Variants in KCNIP2 observed in about 807,000 individuals in gnomAD.
KCNIP2 encodes A-type potassium channel modulatory protein KCNIP2.
A neutral mutation model predicts 39.0 loss-of-function variants in KCNIP2; 19 were observed. That is an observed-to-expected ratio of 0.49 (90% CI 0.34 to 0.71). The LOEUF is 0.71. Among genes scored for constraint, KCNIP2 ranks in the 30% least tolerant of loss-of-function variants. KCNIP2 has a pLI of 0.01. For missense variants in KCNIP2, 261 were observed against 346.0 expected (o/e 0.75, Z 1.95); for synonymous variants, 111 against 131.2 (o/e 0.85, Z 1.05).
At chr10:101,827,443 G>C in intron 9 of KCNIP2, 43 bp from the exon 10 acceptor site, 1 of 1,578,448 alleles carries the variant, frequency 6.3e-7, no homozygotes, top group South Asian at 1.1e-5. Flanking sequence ...GAGAGAGAAA[G>C]AGAAGGAGCT....
intron 1 of KCNIP2, among the ~76,000 whole-genome samples, chr10:101,833,535 T>G (rs2066058693): frequency 4.6e-5 from 7 of 152,068 alleles, no homozygotes; most frequent in Admixed American, 4.6e-4. Flanking sequence ...AAGCCTTGGG[T>G]ATGGAGCTGG....
chr10:101,840,488 G>C (rs543954617), intron 1 of KCNIP2, among the ~76,000 whole-genome samples: 1 of 148,232 alleles, frequency 6.7e-6, no homozygotes, highest in South Asian at 2.2e-4. Flanking sequence ...CGGTGCGGCA[G>C]GTTCACAGAC....
chr10:101,836,977 T>C (rs916481486), intron 1 of KCNIP2, among the ~76,000 whole-genome samples: 1 of 148,456 alleles, frequency 6.7e-6, no homozygotes, highest in Non-Finnish European at 1.5e-5. Flanking sequence ...AAAATAATAA[T>C]AATTAGCCTG....
chr10:101,842,632 G>A (rs1413234123), intron 1 of KCNIP2, among the ~76,000 whole-genome samples: 3 of 152,234 alleles, frequency 2.0e-5, no homozygotes, highest in Non-Finnish European at 4.4e-5. Context: ...GAGCCATAAG[G>A]TCTCTTGGAA....
intron 1 of KCNIP2, chr10:101,839,916 A>G: frequency 4.2e-6 from 6 of 1,435,892 alleles, no homozygotes; most frequent in Non-Finnish European, 5.6e-6. Flanking sequence ...TCACCCGGGT[A>G]GGCCCGCGTG....
At position 101,828,246 on chromosome 10, in the gene KCNIP2, C is replaced by T. The variant is rs747056785; in HGVS notation, c.502G>A (p.Gly168Ser). The change falls in exon 7 of 10, where the codon GGT (glycine) becomes AGT (serine). Residue 168 changes from glycine to serine, a missense_variant. Coordinates refer to ENST00000356640, the MANE Select transcript of KCNIP2 (RefSeq NM_173191.3). This position sits in a 1 kb window ranked among gnomAD's most constrained non-coding sequence, Gnocchi z 6.6. ...GTTCCCCGAAGAATCACGGACAAAC[C>T]AGCCACAAAGTCCTGGGAAGGAGGC... ...GSVSFEDFVAGLSVILRGTVD... is the reference protein window; with the variant it reads ...GSVSFEDFVASLSVILRGTVD... 1.2e-6 allele frequency: 2 copies of T among 1,614,140 alleles called. No homozygotes were observed. Among genetic ancestry groups the T allele is most frequent in the South Asian group, 2.2e-5 (2 of 91,080 alleles).
intron 8 of KCNIP2, 36 bp from the exon 9 acceptor site, chr10:101,827,787 G>A (rs369666641): frequency 1.3e-6 from 2 of 1,561,782 alleles, no homozygotes; most frequent in Non-Finnish European, 1.8e-6. Context: ...GAACAGGAGG[G>A]ATGGCAAGAG....
intron 1 of KCNIP2, 68 bp from the exon 2 acceptor site, chr10:101,831,235 C>T: frequency 2.5e-6 from 3 of 1,199,912 alleles, no homozygotes; most frequent in Non-Finnish European, 3.5e-6. Flanking sequence ...TGTCCCCTCC[C>T]CGCCAGTCAC....
chr10:101,832,296 C>CTGTGTGTGTG lies in KCNIP2; in HGVS notation c.74-1139_74-1130dup, dbSNP rs57005983. On this transcript the variant is annotated intron_variant, in intron 1 of 9. Transcript: ENST00000356640. ...CACCCCCAGAGGACCCTCAGTGTTA[C>CTGTGTGTGTG]TGTGTGTGTGTGTGTGTGTGTGTGT... 5.1e-3 allele frequency among the ~76,000 whole-genome samples: 712 copies of CTGTGTGTGTG among 140,042 alleles called. 3 individuals are homozygous for CTGTGTGTGTG. Among genetic ancestry groups the CTGTGTGTGTG allele is most frequent in the African/African-American group, 0.013 (491 of 36,488 alleles). 91.9% of individuals were successfully genotyped at this position (140,042 alleles called of 152,430 possible). A position where few individuals can be genotyped will look rare whatever the true frequency, so the allele number is the denominator to read the frequency against.
chr10:101,829,466 G>A (rs976298510), intron 3 of KCNIP2: 35 of 491,706 alleles, frequency 7.1e-5, no homozygotes, highest in Non-Finnish European at 1.2e-4. Context: ...TCGATCCCTC[G>A]TTGGAGGGGA....
Position 101,827,224 on chromosome 10 carries a change from C to T in KCNIP2, c.*129G>A. 1 of 1,384,954 alleles carries T rather than the reference C, an allele frequency of 7.2e-7. No homozygotes were observed. Among genetic ancestry groups the T allele is most frequent in the East Asian group, 2.4e-5 (1 of 41,752 alleles). The allele number at this position is 1,384,954 out of a possible 1,614,324, so 85.8% of individuals were successfully genotyped here. ...AGATCTGGACTACTGAATCCCCAAGCTCTTGGATCCCTCCAGCCCCCAGGG... is the reference window on the plus strand; with the variant it reads ...AGATCTGGACTACTGAATCCCCAAGTTCTTGGATCCCTCCAGCCCCCAGGG... On this transcript the variant is annotated 3_prime_UTR_variant, in exon 10 of 10. Coordinates refer to ENST00000356640, the MANE Select transcript of KCNIP2 (RefSeq NM_173191.3).
chr10:101,840,057 C>CGGGGGGGGGGGG (rs71016350), intron 1 of KCNIP2, among the ~76,000 whole-genome samples: 1 of 90,394 alleles, frequency 1.1e-5, no homozygotes, highest in African/African-American at 4.8e-5. Flanking sequence ...AGTTCCTGGA[C>CGGGGGGGGGGGG]GGGGGGGGGG....
chr10:101,841,965 G>C (rs2066350450), intron 1 of KCNIP2, among the ~76,000 whole-genome samples: 1 of 152,226 alleles, frequency 6.6e-6, no homozygotes, highest in African/African-American at 2.4e-5. Flanking sequence ...GGCACATCTG[G>C]CATGGTCTCT....
At chr10:101,831,193 G>C (rs2065981373) in intron 1 of KCNIP2, 26 bp from the exon 2 acceptor site, 1 of 1,528,646 alleles carries the variant, frequency 6.5e-7, no homozygotes, top group Non-Finnish European at 8.9e-7. Context: ...ACCCCAGGAA[G>C]GCACATTAAC....
At position 101,828,005 on chromosome 10, in the gene KCNIP2, A is replaced by G. The variant is rs1263670547; in HGVS notation, c.598-12T>C. 6.2e-7 allele frequency: 1 copy of G among 1,606,256 alleles called. No homozygotes were observed. Among genetic ancestry groups the G allele is most frequent in the Non-Finnish European group, 8.5e-7 (1 of 1,172,936 alleles). On this transcript the variant is annotated splice_polypyrimidine_tract_variant and intron_variant, in intron 7 of 9. Transcript: ENST00000356640. The surrounding 1 kb of genome is among the most constrained non-coding windows in gnomAD (Gnocchi z 6.6). Reference sequence around the variant, plus strand: ...ATGTCAAGCATTTCCTGTTAGGCCAAGAGAGAAGAGGATCCTTCCTCAGAG... The same window carrying G: ...ATGTCAAGCATTTCCTGTTAGGCCAGGAGAGAAGAGGATCCTTCCTCAGAG...
At chr10:101,831,008 C>T (rs1472072143) in intron 2 of KCNIP2, 64 bp downstream of exon 2, 17 of 1,393,968 alleles carry the variant, frequency 1.2e-5, no homozygotes, top group Non-Finnish European at 1.6e-5. Context: ...CGCGCACACA[C>T]TCATGCACAG....
chr10:101,843,787 G>GGCAGAGCGGAGCTGAGC lies in KCNIP2; in HGVS notation c.-220_-219insGCTCAGCTCCGCTCTGC. 1 of 360,590 alleles carries GGCAGAGCGGAGCTGAGC rather than the reference G, an allele frequency of 2.8e-6. No individual in the cohort carries two copies. Among genetic ancestry groups the GGCAGAGCGGAGCTGAGC allele is most frequent in the Non-Finnish European group, 5.0e-6 (1 of 201,940 alleles). The allele number at this position is 360,590 out of a possible 1,614,324, so 22.3% of individuals were successfully genotyped here. A position where few individuals can be genotyped will look rare whatever the true frequency, so the allele number is the denominator to read the frequency against. ...GGCAGCAGGTGAGCGCAGAGCCGGA[G>GGCAGAGCGGAGCTGAGC]GCAGAGCGGAGCTGAGCGCGGAGCC... On this transcript the variant is annotated 5_prime_UTR_variant, in exon 1 of 10. Transcript: ENST00000356640. This position sits in a 1 kb window ranked among gnomAD's most constrained non-coding sequence, Gnocchi z 6.7.
At chr10:101,839,300 T>C (rs752867658) in intron 1 of KCNIP2, among the ~76,000 whole-genome samples, 1 of 152,236 alleles carries the variant, frequency 6.6e-6, no homozygotes, top group Non-Finnish European at 1.5e-5. Context: ...GCTGAGTTCA[T>C]GTTGGTCTAG....
At chr10:101,830,421 A>T (rs1208358954) in intron 2 of KCNIP2, 1 of 1,294,058 alleles carries the variant, frequency 7.7e-7, no homozygotes. Context: ...TGAAGACACT[A>T]ACCCAGCTAA....
Sources: gnomAD v4.1 joint callset for allele counts (sites outside exome capture counted in the v4.1 genomes callset) on GRCh38, gnomAD v4.1.1 for gene constraint, Gnocchi (gnomAD v3.1) non-coding constraint, MANE v1.5 for transcripts, NCBI Gene and HGNC (gene_info 2026-07-23, HGNC 2026-07-21) for gene names.